RGS8: variants seen among roughly 807,000 people sequenced by gnomAD.
RGS8 encodes regulator of G-protein signaling 8.
Under a neutral mutation model 21.7 loss-of-function variants are expected in RGS8, and 8 were observed. The ratio of observed to expected loss-of-function variants is 0.37; its 90% CI spans 0.22 to 0.66. The LOEUF (loss-of-function observed/expected upper bound fraction) is 0.66, where lower values mean the gene tolerates loss of function less well. Ranked by LOEUF, RGS8 falls within the 30% of genes least tolerant of loss-of-function variation. The pLI, the probability that RGS8 is intolerant of heterozygous loss-of-function variation, is 0.59. For missense variants in RGS8, 157 were observed against 217.9 expected (o/e 0.72, Z 1.76); for synonymous variants, 80 against 83.6 (o/e 0.96, Z 0.24).
At chr1:182,665,195 C>G (rs189845912) in intron 5 of RGS8, among the ~76,000 whole-genome samples, 25 of 152,272 alleles carry the variant, frequency 1.6e-4, no homozygotes, top group African/African-American at 5.5e-4. Flanking sequence ...TCACAAAACC[C>G]CTCCCTCTTC....
the RGS8 span, among the ~76,000 whole-genome samples, chr1:182,703,773 G>A: frequency 8.5e-5 from 13 of 152,282 alleles, no homozygotes; most frequent in East Asian, 3.9e-4. Context: ...TTTTGTTTGC[G>A]TTCCCTCAGC....
the RGS8 span, among the ~76,000 whole-genome samples, chr1:182,716,142 T>C: frequency 3.4e-5 from 5 of 145,282 alleles, no homozygotes; most frequent in Admixed American, 3.5e-4. Context: ...TTTTTTTTCC[T>C]AGAGACAGAG....
At chr1:182,701,127 C>G in the RGS8 span, among the ~76,000 whole-genome samples, 3 of 152,166 alleles carry the variant, frequency 2.0e-5, no homozygotes, top group African/African-American at 4.8e-5. Context: ...CCAAATGAGG[C>G]AAATAAGTGA....
chr1:182,712,925 T>C, the RGS8 span: 1 of 152,120 alleles, frequency 6.6e-6, no homozygotes, highest in Admixed American at 6.6e-5. Flanking sequence ...CCCTGAAATA[T>C]ATGGCTGAAA....
chr1:182,655,817 TCTC>T (rs10546456), intron 5 of RGS8, among the ~76,000 whole-genome samples: 104,157 of 151,632 alleles, frequency 0.69, 36,279 homozygotes, highest in Non-Finnish European at 0.75. Context: ...ATTCCATCCT[TCTC>T]CTCATCAATG....
At chr1:182,642,103 T>C (rs2102397231), downstream of RGS8, 1 of 152,222 alleles carries the variant, frequency 6.6e-6, no homozygotes, top group South Asian at 2.1e-4. Context: ...GAACAGTTTA[T>C]TGAAAGGACC....
At chr1:182,743,739 C>T in the RGS8 span, among the ~76,000 whole-genome samples, 1 of 152,194 alleles carries the variant, frequency 6.6e-6, no homozygotes, top group Non-Finnish European at 1.5e-5. Context: ...GTTATATTCC[C>T]CATGGAGGGC....
chr1:182,742,915 A>T, the RGS8 span, among the ~76,000 whole-genome samples: 1 of 152,226 alleles, frequency 6.6e-6, no homozygotes. Flanking sequence ...GACACAATTA[A>T]TTACATAAAG....
chr1:182,751,558 GC>G, the RGS8 span, among the ~76,000 whole-genome samples: 1 of 152,082 alleles, frequency 6.6e-6, no homozygotes, highest in Non-Finnish European at 1.5e-5. Context: ...CAGAGCTGTG[GC>G]TCAGAGGAGC....
At chr1:182,718,991 T>C in the RGS8 span, among the ~76,000 whole-genome samples, 2 of 152,154 alleles carry the variant, frequency 1.3e-5, no homozygotes, top group South Asian at 4.1e-4. Context: ...TTTTCCCAAA[T>C]AACAGTTTCT....
At chr1:182,676,937 G>A (rs1664381068), upstream of RGS8, among the ~76,000 whole-genome samples, 1 of 152,168 alleles carries the variant, frequency 6.6e-6, no homozygotes, top group Non-Finnish European at 1.5e-5. Context: ...GCGATTATAT[G>A]CAAAGAAATG....
At chr1:182,691,434 A>G in the RGS8 span, among the ~76,000 whole-genome samples, 1 of 152,110 alleles carries the variant, frequency 6.6e-6, no homozygotes, top group Non-Finnish European at 1.5e-5. Context: ...GCATGTCAAA[A>G]AAGTTAATCC....
the RGS8 span, among the ~76,000 whole-genome samples, chr1:182,703,809 G>A: frequency 4.6e-5 from 7 of 152,202 alleles, no homozygotes; most frequent in Non-Finnish European, 7.3e-5. Flanking sequence ...AGTCAGGGAG[G>A]GGTGATGCCG....
the RGS8 span, among the ~76,000 whole-genome samples, chr1:182,691,659 G>C: frequency 9.8e-6 from 1 of 102,540 alleles, no homozygotes; most frequent in Admixed American, 9.9e-5. Flanking sequence ...GGCATCAAAA[G>C]TGCATACCTC....
chr1:182,691,117 G>A, the RGS8 span, among the ~76,000 whole-genome samples: 1 of 152,182 alleles, frequency 6.6e-6, no homozygotes, highest in Non-Finnish European at 1.5e-5. Flanking sequence ...ATATAAGAGT[G>A]AGCCCAGCCA....
chr1:182,729,664 A>G, the RGS8 span, among the ~76,000 whole-genome samples: 1 of 152,228 alleles, frequency 6.6e-6, no homozygotes, highest in African/African-American at 2.4e-5. Flanking sequence ...TAAAAATCTT[A>G]TATAGATTTA....
Position 182,669,657 on chromosome 1 carries a change from T to A in RGS8, c.-8A>T. ...CATCAGTAAGGCCGCCATACAGGCA[T>A]CAGCTTACGGTTAACCCTTGGGCTG... On this transcript the variant is annotated 5_prime_UTR_variant, in exon 3 of 7. The change abolishes an upstream ATG in the 5' untranslated region. Transcript: ENST00000483095. 1 of 1,614,202 alleles carries A rather than the reference T, an allele frequency of 6.2e-7. No individual in the cohort carries two copies. The highest frequency in any genetic ancestry group is 8.5e-7 in the Non-Finnish European group (1 of 1,180,034).
the RGS8 span, among the ~76,000 whole-genome samples, chr1:182,718,393 A>C: frequency 3.9e-5 from 6 of 152,324 alleles, no homozygotes; most frequent in East Asian, 1.2e-3. Context: ...AGATGTTGTC[A>C]AATTTGGACG....
At chr1:182,720,030 T>G in the RGS8 span, among the ~76,000 whole-genome samples, 1 of 152,358 alleles carries the variant, frequency 6.6e-6, no homozygotes, top group South Asian at 2.1e-4. Context: ...TTCAGAAATA[T>G]GTTTAGATGA....
Sources: gnomAD v4.1 joint callset for allele counts (sites outside exome capture counted in the v4.1 genomes callset) on GRCh38, gnomAD v4.1.1 for gene constraint, MANE v1.5 for transcripts, NCBI Gene and HGNC (gene_info 2026-07-23, HGNC 2026-07-21) for gene names.